RPGRIP1: variants seen among roughly 807,000 people sequenced by gnomAD.
RPGRIP1 encodes the protein X-linked retinitis pigmentosa GTPase regulator-interacting protein 1.
In RPGRIP1, 128 loss-of-function variants were observed where a neutral mutation model predicts 157.9. The ratio of observed to expected loss-of-function variants is 0.81; its 90% confidence interval spans 0.70 to 0.94. The LOEUF (loss-of-function observed/expected upper bound fraction) is 0.94, where lower values mean the gene tolerates loss of function less well. Ranked by LOEUF, RPGRIP1 falls within the 40% of genes least tolerant of loss-of-function variation. The probability of loss-of-function intolerance (pLI) is 0.00; values close to 1 mark genes in which losing one functional copy is unlikely to be tolerated. For synonymous variants in RPGRIP1, 554 were observed against 571.6 expected (o/e 0.97, Z 0.44); for missense variants, 1,486 against 1,545.8 (o/e 0.96, Z 0.65).
In RPGRIP1 at chr14:21,299,101, C is replaced by T. The variant is rs940628235; in HGVS notation, c.219-1865C>T. ...CGTGATCTCGGCTCACCGCAACCTCCGCCTCTCAGATTCAAGCGATTCTCC... is the reference window on the plus strand; with the variant it reads ...CGTGATCTCGGCTCACCGCAACCTCTGCCTCTCAGATTCAAGCGATTCTCC... On this transcript the variant is annotated intron_variant, in intron 3 of 24. Coordinates refer to ENST00000400017, the MANE Select transcript of RPGRIP1 (RefSeq NM_020366.4). Among the ~76,000 whole-genome samples, 7 of 151,630 alleles carry T rather than the reference C, an allele frequency of 4.6e-5. No individual in the cohort carries two copies. The East Asian group carries it at 5.8e-4, about 13-fold the overall frequency.
intron 1 of RPGRIP1, among the ~76,000 whole-genome samples, chr14:21,285,949 A>G (rs1385386985): frequency 6.6e-6 from 1 of 151,826 alleles, no homozygotes; most frequent in Non-Finnish European, 1.5e-5. Context: ...GACACAGATC[A>G]CTTGAATTTT....
rs767287670 is a variant in RPGRIP1 at position 21,343,063 on chromosome 14, G to T, written c.3367G>T (p.Val1123Phe). The T allele has an allele frequency of 6.2e-7, 1 of 1,612,206 alleles. No individual in the cohort carries two copies. The highest frequency in any genetic ancestry group is 8.5e-7 in the Non-Finnish European group (1 of 1,179,178). The change falls in exon 22 of 25, where the codon GTC becomes TTC. Residue 1123 changes from valine to phenylalanine, a missense_variant. Physicochemically the swap from Val to Phe is conservative, Grantham distance 50 (BLOSUM62 -1). Transcript: ENST00000400017. The stretch of plus-strand genomic sequence containing the variant: ...TTCAGAGAAGATGTGCATTGAAATT[G>T]TCTCCCTGGCCTTCTACCCAGAGGC... ...ADSEKMCIEI[V>F]SLAFYPEAEV... is the part of the protein sequence containing the mutation.
Position 21,330,243 on chromosome 14 carries a change from C to A in RPGRIP1, c.3100-6C>A. 1 of 1,544,232 alleles carries A rather than the reference C, an allele frequency of 6.5e-7. No individual in the cohort carries two copies. ...GCTATGTAGTATTGTTGTTCTTATT[C>A]TGAAGCAGGTGAATTACACTGAGTG... On this transcript the variant is annotated splice_region_variant and splice_polypyrimidine_tract_variant and intron_variant, in intron 19 of 24. Coordinates refer to ENST00000400017, the MANE Select transcript of RPGRIP1 (RefSeq NM_020366.4).
At chr14:21,314,710 T>A (rs1475871342) in intron 10 of RPGRIP1, among the ~76,000 whole-genome samples, 8 of 116,248 alleles carry the variant, frequency 6.9e-5, no homozygotes, top group Admixed American at 1.9e-4. Context: ...CAAAACTCTG[T>A]CTCGAAAAAA....
chr14:21,325,769 G>C lies in RPGRIP1; in HGVS notation c.2368-62G>C. 4.0e-6 allele frequency: 5 copies of C among 1,239,042 alleles called. No individual in the cohort carries two copies. The South Asian group carries it at 7.0e-5, about 17-fold the overall frequency. 76.8% of individuals were successfully genotyped at this position (1,239,042 alleles called of 1,614,324 possible). ...TAGCTCTTCCTCACCACAGATCCTA[G>C]GCTTCACCTACAACAGTCTCAAGCT... On this transcript the variant is annotated intron_variant, in intron 16 of 24. Transcript: ENST00000400017.
rs2139132081 is a variant in RPGRIP1 at position 21,287,984 on chromosome 14, A to G, written c.8A>G (p.His3Arg). ...AGCTTGGGAACAGAGATCATGTCACATCTGGTGGACCCTACATCAGGAGAC... is the reference window on the plus strand; with the variant it reads ...AGCTTGGGAACAGAGATCATGTCACGTCTGGTGGACCCTACATCAGGAGAC... Reference protein sequence around the residue: MSHLVDPTSGDLP... With the variant: MSRLVDPTSGDLP... The change falls in exon 2 of 25, where the codon CAT becomes CGT. Residue 3 changes from histidine (H) to arginine (R), a missense_variant. Transcript: ENST00000400017. The G allele has an allele frequency of 9.9e-6, 16 of 1,611,652 alleles. No homozygotes were observed. Among genetic ancestry groups the G allele is most frequent in the Non-Finnish European group, 1.4e-5 (16 of 1,178,032 alleles).
Position 21,312,504 on chromosome 14 carries a change from A to G in RPGRIP1, c.1149A>G (p.Glu383=). 6.2e-7 allele frequency: 1 copy of G among 1,606,694 alleles called. No homozygotes were observed. Among genetic ancestry groups the G allele is most frequent in the South Asian group, 1.1e-5 (1 of 90,324 alleles). ...LLNDNYDKLL[E]SMLDSSDSSS... ...ATGACAATTATGACAAACTCTTAGA[A>G]AGGTGAGTACCACATTTGGGTCCCA... Residue 383 remains glutamate, a splice_region_variant and synonymous_variant, in exon 10 of 25, where the codon GAA becomes GAG. Transcript: ENST00000400017.
Position 21,311,865 on chromosome 14 carries a change from G to C in RPGRIP1, c.972G>C (p.Lys324Asn). The part of the protein sequence containing the change: ...ILSAAHEALL[K>N]QVNELRAELK... The stretch of plus-strand genomic sequence containing the variant: ...GTGCAGCCCATGAGGCCCTCCTCAA[G>C]CAAGTGAATGAGCTCAGGGCAGAGC... The change falls in exon 9 of 25, where the codon AAG (lysine) becomes AAC (asparagine). Residue 324 changes from lysine to asparagine, a missense_variant. Transcript: ENST00000400017. 6.2e-7 allele frequency: 1 copy of C among 1,610,964 alleles called. No individual in the cohort carries two copies. Among genetic ancestry groups the C allele is most frequent in the Non-Finnish European group, 8.5e-7 (1 of 1,178,796 alleles).
intron 7 of RPGRIP1, 56 bp downstream of exon 7, chr14:21,307,892 A>AT (rs1427028267): frequency 1.3e-5 from 12 of 915,766 alleles, no homozygotes; most frequent in African/African-American, 3.4e-5. Context: ...CAATTAAGAG[A>AT]TTCATATTAT....
intron 17 of RPGRIP1, among the ~76,000 whole-genome samples, chr14:21,326,872 AT>A (rs576249052): frequency 4.7e-5 from 7 of 150,170 alleles, no homozygotes; most frequent in African/African-American, 7.4e-5. Context: ...AATTTCTTGG[AT>A]TTTTTTTTTC....
chr14:21,302,059 TC>T (rs1413094275), intron 4 of RPGRIP1, among the ~76,000 whole-genome samples: 1 of 152,112 alleles, frequency 6.6e-6, no homozygotes, highest in African/African-American at 2.4e-5. Context: ...CTTAGTGTGG[TC>T]CTATAATTTC....
At chr14:21,313,345 G>GA (rs5807074) in intron 10 of RPGRIP1, among the ~76,000 whole-genome samples, 2,638 of 129,684 alleles carry the variant, frequency 0.02, 99 homozygotes, top group Admixed American at 0.11. Context: ...TCCACAAAAA[G>GA]AAAAAAAAAA....
In RPGRIP1 at chr14:21,287,920, G is replaced by T; in HGVS notation, c.-38-19G>T. 1 of 1,188,776 alleles carries T rather than the reference G, an allele frequency of 8.4e-7. No individual in the cohort carries two copies. The highest frequency in any genetic ancestry group is 1.2e-6 in the Non-Finnish European group (1 of 808,150). The allele number at this position is 1,188,776 out of a possible 1,614,324, so 73.6% of individuals were successfully genotyped here. ...TCCTAAAGTTGCATGTAACTGACTGGACTTTTCCTTTATTTCAGTGTCCTC... is the reference window on the plus strand; with the variant it reads ...TCCTAAAGTTGCATGTAACTGACTGTACTTTTCCTTTATTTCAGTGTCCTC... On this transcript the variant is annotated intron_variant, in intron 1 of 24. Coordinates refer to ENST00000400017, the MANE Select transcript of RPGRIP1 (RefSeq NM_020366.4).
intron 20 of RPGRIP1, among the ~76,000 whole-genome samples, chr14:21,334,016 G>A (rs1365056342): frequency 2.0e-5 from 3 of 147,986 alleles, no homozygotes; most frequent in Admixed American, 6.9e-5. Context: ...TCTGCCTCCC[G>A]GATTCAAGCA....
chr14:21,281,703 T>A (rs143326800), intron 1 of RPGRIP1, among the ~76,000 whole-genome samples: 4,613 of 61,952 alleles, frequency 0.074, 245 homozygotes, highest in African/African-American at 0.22. Flanking sequence ...AAAAAAAAAA[T>A]AAATAATAAT....
In RPGRIP1 at chr14:21,322,070, C is replaced by G. The variant is rs998600478; in HGVS notation, c.1762+66C>G. ...CCACAGCTAACGCCTGTGTTCCACT[C>G]TGTGTACTTGTCAAGAAGGGTGCCT... On this transcript the variant is annotated intron_variant, in intron 14 of 24. Transcript: ENST00000400017. 4 of 1,414,878 alleles carry G rather than the reference C, an allele frequency of 2.8e-6. No homozygotes were observed. The African/African-American group carries it at 4.3e-5, about 15-fold the overall frequency. 87.6% of individuals were successfully genotyped at this position (1,414,878 alleles called of 1,614,324 possible).
At chr14:21,337,598 C>A (rs923418847) in intron 21 of RPGRIP1, among the ~76,000 whole-genome samples, 1 of 150,964 alleles carries the variant, frequency 6.6e-6, no homozygotes, top group Admixed American at 6.6e-5. Context: ...TGTGTCACCA[C>A]GACCAGCTAA....
intron 2 of RPGRIP1, among the ~76,000 whole-genome samples, chr14:21,293,094 C>T (rs760870602): frequency 2.4e-4 from 37 of 151,924 alleles, no homozygotes; most frequent in Non-Finnish European, 4.6e-4. Flanking sequence ...TGCAGTGAGC[C>T]GAGATCGCAC....
intron 1 of RPGRIP1, among the ~76,000 whole-genome samples, chr14:21,282,048 T>C (rs765014622): frequency 6.6e-6 from 1 of 151,926 alleles, no homozygotes; most frequent in African/African-American, 2.4e-5. Context: ...TAAACTGAGA[T>C]TGCAACATTG....
Sources: allele counts gnomAD v4.1 joint callset (sites outside exome capture counted in the v4.1 genomes callset), GRCh38; gene constraint gnomAD v4.1.1; transcripts MANE v1.5; gene names NCBI Gene and HGNC (gene_info 2026-07-23, HGNC 2026-07-21).